The following CCDC61 variants were observed in gnomAD, a reference collection of about 807,000 sequenced individuals.
The protein encoded by CCDC61 is coiled-coil domain containing 61, also known as centrosomal protein CCDC61.
Under a neutral mutation model 63.0 loss-of-function variants are expected in CCDC61, and 55 were observed. The ratio of observed to expected loss-of-function variants is 0.87; its 90% CI spans 0.70 to 1.09. The LOEUF is 1.09. Among genes scored for constraint, CCDC61 ranks in the 50% least tolerant of loss-of-function variants. The pLI is 0.00. For missense variants in CCDC61, 651 were observed against 731.4 expected (o/e 0.89, Z 1.27); for synonymous variants, 270 against 317.0 (o/e 0.85, Z 1.58).
Position 46,003,422 on chromosome 19 carries a change from T to G in CCDC61, c.152T>G (p.Ile51Ser), listed in dbSNP as rs779853108. The G allele has an allele frequency of 1.5e-5, 24 of 1,613,230 alleles. No individual in the cohort carries two copies. Among genetic ancestry groups the G allele is most frequent in the Non-Finnish European group, 2.0e-5 (24 of 1,179,550 alleles). The change falls in exon 3 of 14, where the codon ATT becomes AGT. Residue 51 changes from isoleucine to serine, a missense_variant. Transcript: ENST00000595358. ...QWRGEFDAGF[I>S]EDLTHKTGNF... ...AGAGACTTTTCTCCCCACCCAGTCATTGAAGATTTGACTCACAAGACAGGG... is the reference window on the plus strand; with the variant it reads ...AGAGACTTTTCTCCCCACCCAGTCAGTGAAGATTTGACTCACAAGACAGGG...
Position 46,016,305 on chromosome 19 carries a change from C to T in CCDC61, c.1016-13C>T, listed in dbSNP as rs1303716395. 6.2e-7 allele frequency: 1 copy of T among 1,613,334 alleles called. No individual in the cohort carries two copies. The highest frequency in any genetic ancestry group is 1.1e-5 in the South Asian group (1 of 91,050). On this transcript the variant is annotated splice_polypyrimidine_tract_variant and intron_variant, in intron 8 of 13. Coordinates refer to ENST00000595358, the MANE Select transcript of CCDC61 (RefSeq NM_001267723.2). This position sits in a 1 kb window ranked among gnomAD's most constrained non-coding sequence, Gnocchi z 7.2. ...CTCCGGACCTAGCCGCCTCCTCTCCCACGCCGTCCTAGGTGGTCGCGCGCT... is the reference window on the plus strand; with the variant it reads ...CTCCGGACCTAGCCGCCTCCTCTCCTACGCCGTCCTAGGTGGTCGCGCGCT...
intron 1 of CCDC61, among the ~76,000 whole-genome samples, chr19:45,998,651 T>C (rs574334793): frequency 6.6e-6 from 1 of 152,340 alleles, no homozygotes; most frequent in South Asian, 2.1e-4. Flanking sequence ...TTGATTAAAA[T>C]GGCTCTGCCC....
At chr19:46,013,828 T>A (rs534493358) in intron 5 of CCDC61, among the ~76,000 whole-genome samples, 1 of 150,842 alleles carries the variant, frequency 6.6e-6, no homozygotes, top group South Asian at 2.1e-4. Flanking sequence ...ATCGTGCCAC[T>A]GCACTCCAGC....
intron 4 of CCDC61, among the ~76,000 whole-genome samples, chr19:46,007,400 G>T (rs1206342425): frequency 6.6e-6 from 1 of 152,082 alleles, no homozygotes; most frequent in Non-Finnish European, 1.5e-5. Context: ...ATAGCTGCTG[G>T]ATCCTCCAGA....
At chr19:46,003,369 G>A (rs1200158783) in intron 2 of CCDC61, 50 bp from the exon 3 acceptor site, 1 of 1,570,264 alleles carries the variant, frequency 6.4e-7, no homozygotes, top group East Asian at 2.3e-5. Flanking sequence ...GCATTGCCCT[G>A]GGGCTGGGCA....
At chr19:45,999,928 C>A (rs754402910) in intron 1 of CCDC61, 30 of 740,944 alleles carry the variant, frequency 4.0e-5, no homozygotes, top group Non-Finnish European at 4.9e-5. Context: ...CTCGAAGGCA[C>A]CGCTGGGATG....
chr19:46,003,533 G>A lies in CCDC61; in HGVS notation c.231+32G>A. Reference sequence around the variant, plus strand: ...CCCGGGTTGGCGGGTTGGGGTGGGAGGGGGGTTCTGTCTTCCAGGTTCCAG... The same window carrying A: ...CCCGGGTTGGCGGGTTGGGGTGGGAAGGGGGTTCTGTCTTCCAGGTTCCAG... On this transcript the variant is annotated intron_variant, in intron 3 of 13. Transcript: ENST00000595358. The A allele has an allele frequency of 2.9e-6, 4 of 1,382,512 alleles. 1 individual carries two copies. The highest frequency in any genetic ancestry group is 2.1e-6 in the Non-Finnish European group (2 of 975,162). The allele number at this position is 1,382,512 out of a possible 1,614,324, so 85.6% of individuals were successfully genotyped here. A position where few individuals can be genotyped will look rare whatever the true frequency, so the allele number is the denominator to read the frequency against.
rs1311179042 is a variant in CCDC61 at position 46,016,797 on chromosome 19, GACGCCCCTAACCGCTCCCGAA to G, written c.1198_1218del (p.Ala400_Asn406del). Reference sequence around the variant, plus strand: ...CCCTGCTGCCTTGACTGGCCGAGGGGACGCCCCTAACCGCTCCCGAAACCGCAGCTCCTCAGGTAACTGGCC... The same window carrying G: ...CCCTGCTGCCTTGACTGGCCGAGGGGACCGCAGCTCCTCAGGTAACTGGCC... On this transcript the variant is annotated inframe_deletion, in exon 10 of 14. Transcript: ENST00000595358. This position sits in a 1 kb window ranked among gnomAD's most constrained non-coding sequence, Gnocchi z 7.2. The G allele has an allele frequency of 6.5e-7, 1 of 1,541,840 alleles. No individual in the cohort carries two copies. The highest frequency in any genetic ancestry group is 8.7e-7 in the Non-Finnish European group (1 of 1,143,586).
At chr19:45,996,204 C>G (rs1392235938) in intron 1 of CCDC61, 1 of 152,314 alleles carries the variant, frequency 6.6e-6, no homozygotes, top group Non-Finnish European at 1.5e-5. Context: ...GCTAGCTTCA[C>G]CCTCTTTATC....
chr19:46,014,951 C>A (rs1968894422), intron 5 of CCDC61, 98 bp from the exon 6 acceptor site: 2 of 1,096,436 alleles, frequency 1.8e-6, no homozygotes, highest in South Asian at 3.0e-5. Context: ...CGTGTACCCC[C>A]TTCCGGGGAG....
At chr19:46,005,294 G>A (rs1402362239) in intron 3 of CCDC61, among the ~76,000 whole-genome samples, 1 of 152,144 alleles carries the variant, frequency 6.6e-6, no homozygotes, top group Non-Finnish European at 1.5e-5. Flanking sequence ...ACAGGTGTGA[G>A]CCACCGCGCC....
chr19:46,003,527 G>GGGTT, intron 3 of CCDC61, 26 bp downstream of exon 3: 1 of 1,433,664 alleles, frequency 7.0e-7, no homozygotes, highest in Non-Finnish European at 9.8e-7. Flanking sequence ...GCGGGTTGGG[G>GGGTT]TGGGAGGGGG....
intron 5 of CCDC61, among the ~76,000 whole-genome samples, chr19:46,012,981 A>C (rs1968857684): frequency 6.6e-6 from 1 of 151,618 alleles, no homozygotes; most frequent in Admixed American, 6.6e-5. Flanking sequence ...CCTTCCCAGT[A>C]GCTGGGACTA....
Position 46,018,320 on chromosome 19 carries a change from T to A in CCDC61, c.1472T>A (p.Met491Lys). 6.3e-7 allele frequency: 1 copy of A among 1,574,866 alleles called. No individual in the cohort carries two copies. ...EYSSEHQAAD[M>K]AEIDARLKAL... The stretch of plus-strand genomic sequence containing the variant: ...AGCTCGGAGCACCAGGCGGCTGACA[T>A]GGCCGAAATAGACGCACGCCTGAAG... The change falls in exon 14 of 14, where the codon ATG becomes AAG. Residue 491 changes from methionine (M) to lysine (K), a missense_variant. Coordinates refer to ENST00000595358, the MANE Select transcript of CCDC61 (RefSeq NM_001267723.2). This position sits in a 1 kb window ranked among gnomAD's most constrained non-coding sequence, Gnocchi z 4.2.
chr19:46,003,065 T>C lies in CCDC61; in HGVS notation c.47T>C (p.Val16Ala). 6.2e-7 allele frequency: 1 copy of C among 1,602,560 alleles called. No individual in the cohort carries two copies. The highest frequency in any genetic ancestry group is 8.5e-7 in the Non-Finnish European group (1 of 1,174,808). The change falls in exon 2 of 14, where the codon GTG becomes GCG. Residue 16 changes from valine to alanine, a missense_variant. Transcript: ENST00000595358. ...GLQVDYVFRG[V>A]EHAVRVMVSG... is the part of the protein sequence containing the mutation. ...CAGGTGGACTACGTCTTCCGGGGTG[T>C]GGAGCATGCCGTGCGGGTGATGGTT...
chr19:46,015,203 C>T lies in CCDC61; in HGVS notation c.706C>T (p.Leu236Phe). The T allele has an allele frequency of 7.7e-7, 1 of 1,292,636 alleles. No homozygotes were observed. Among genetic ancestry groups the T allele is most frequent in the Non-Finnish European group, 9.8e-7 (1 of 1,024,702 alleles). The allele number at this position is 1,292,636 out of a possible 1,614,324, so 80.1% of individuals were successfully genotyped here. A position where few individuals can be genotyped will look rare whatever the true frequency, so the allele number is the denominator to read the frequency against. Residue 236 changes from leucine to phenylalanine, a missense_variant, in exon 6 of 14, where the codon CTC becomes TTC. Leu to Phe is a conservative substitution (Grantham distance 22). Coordinates refer to ENST00000595358, the MANE Select transcript of CCDC61 (RefSeq NM_001267723.2). The surrounding 1 kb of genome is among the most constrained non-coding windows in gnomAD (Gnocchi z 5.3). ...GCTGGAGCTGCGGCAGGAGCGCGGC[C>T]TCGGGCACAGGGTGGCCGGCCGTCG... ...LELELRQERG[L>F]GHRVAGRRGQ... is the part of the protein sequence containing the mutation.
At chr19:46,014,955 C>A in intron 5 of CCDC61, 94 bp from the exon 6 acceptor site, 2 of 1,110,232 alleles carry the variant, frequency 1.8e-6, no homozygotes. Flanking sequence ...TACCCCCTTC[C>A]GGGGAGGTGA....
At chr19:46,012,277 C>T (rs906357243) in intron 5 of CCDC61, among the ~76,000 whole-genome samples, 24 of 152,168 alleles carry the variant, frequency 1.6e-4, no homozygotes, top group African/African-American at 4.1e-4. Context: ...ATAATATACT[C>T]CAAAGAGTAT....
In CCDC61 at chr19:46,012,851, AT is replaced by A. The variant is rs369632790; in HGVS notation, c.552-2182del. ...TGTATCTCTTTTTGCACTTAATTTAATTTTTTTTTTTTTTTTAAGAGACAGA... is the reference window on the plus strand; with the variant it reads ...TGTATCTCTTTTTGCACTTAATTTAATTTTTTTTTTTTTTTAAGAGACAGA... On this transcript the variant is annotated intron_variant, in intron 5 of 13. Coordinates refer to ENST00000595358, the MANE Select transcript of CCDC61 (RefSeq NM_001267723.2). Among the ~76,000 whole-genome samples, 606 of 142,270 alleles carry A rather than the reference AT, an allele frequency of 4.3e-3. 1 individual carries two copies. The highest frequency in any genetic ancestry group is 6.3e-3 in the African/African-American group (243 of 38,502). 93.3% of individuals were successfully genotyped at this position (142,270 alleles called of 152,430 possible).
Sources: allele counts gnomAD v4.1 joint callset (sites outside exome capture counted in the v4.1 genomes callset), GRCh38; gene constraint gnomAD v4.1.1; non-coding constraint Gnocchi (gnomAD v3.1); transcripts MANE v1.5; gene names NCBI Gene and HGNC (gene_info 2026-07-23, HGNC 2026-07-21).